The following MALRD1 variants were observed in gnomAD, a reference collection of about 807,000 sequenced individuals.
MALRD1 encodes the protein MAM and LDL receptor class A domain containing 1.
MALRD1 carries 247 observed loss-of-function variants against 242.1 expected under a neutral mutation model. The ratio of observed to expected loss-of-function variants is 1.02; its 90% CI spans 0.92 to 1.13. The LOEUF (loss-of-function observed/expected upper bound fraction) is 1.13, where lower values mean the gene tolerates loss of function less well. Ranked by LOEUF, MALRD1 falls within the 50% of genes most tolerant of loss-of-function variation. MALRD1 has a pLI of 0.00. For missense variants in MALRD1, 2,989 were observed against 2,533.1 expected (o/e 1.18, Z -3.86); for synonymous variants, 995 against 866.6 (o/e 1.15, Z -2.60).
intron 33 of MALRD1, among the ~76,000 whole-genome samples, chr10:19,576,531 A>G (rs1324395578): frequency 6.6e-6 from 1 of 152,232 alleles, no homozygotes; most frequent in Non-Finnish European, 1.5e-5. Flanking sequence ...ACATAAATTC[A>G]TACAAGTTAT....
At chr10:19,071,217 G>A (rs1590387231) in intron 2 of MALRD1, among the ~76,000 whole-genome samples, 1 of 151,884 alleles carries the variant, frequency 6.6e-6, no homozygotes, top group East Asian at 1.9e-4. Context: ...TCTAGGCTTA[G>A]CTGCTAGAAG....
chr10:19,601,621 A>G (rs909008898), intron 34 of MALRD1, among the ~76,000 whole-genome samples: 2 of 152,020 alleles, frequency 1.3e-5, no homozygotes, highest in African/African-American at 4.8e-5. Flanking sequence ...TTTTATATTG[A>G]AACCATTTAT....
chr10:19,555,139 A>G (rs1855154), intron 32 of MALRD1, among the ~76,000 whole-genome samples: 104,481 of 151,978 alleles, frequency 0.69, 39,976 homozygotes, highest in Non-Finnish European at 0.84. Context: ...TTCTTTAATG[A>G]TCAGTGATGT....
intron 29 of MALRD1, among the ~76,000 whole-genome samples, chr10:19,461,017 C>A (rs1272341377): frequency 2.0e-5 from 3 of 152,114 alleles, no homozygotes; most frequent in Non-Finnish European, 4.4e-5. Flanking sequence ...GTTATAGTAA[C>A]CTAATTCCTC....
chr10:19,444,143 T>C (rs1834826595), intron 28 of MALRD1, among the ~76,000 whole-genome samples: 2 of 152,216 alleles, frequency 1.3e-5, no homozygotes, highest in Admixed American at 1.3e-4. Flanking sequence ...CTGCTTTTTT[T>C]TATTTTCCAT....
chr10:19,303,266 A>C (rs763139142), intron 21 of MALRD1, among the ~76,000 whole-genome samples: 1 of 151,756 alleles, frequency 6.6e-6, no homozygotes, highest in Non-Finnish European at 1.5e-5. Flanking sequence ...GAAAATAGAC[A>C]TTAGGTCAAA....
At chr10:19,458,500 G>A (rs1252309467) in intron 29 of MALRD1, among the ~76,000 whole-genome samples, 3 of 152,132 alleles carry the variant, frequency 2.0e-5, no homozygotes, top group Admixed American at 6.6e-5. Flanking sequence ...CAAAAGGTAA[G>A]AATGGTGACA....
chr10:19,056,210 T>A (rs1834662246), intron 1 of MALRD1, among the ~76,000 whole-genome samples: 1 of 152,200 alleles, frequency 6.6e-6, no homozygotes, highest in Admixed American at 6.5e-5. Context: ...TTAAGTTTTT[T>A]TTTCTATTTC....
At chr10:19,231,826 C>T (rs1342020449) in intron 18 of MALRD1, among the ~76,000 whole-genome samples, 1 of 148,130 alleles carries the variant, frequency 6.8e-6, no homozygotes, top group Non-Finnish European at 1.5e-5. Context: ...ATCACCGAGT[C>T]CCGCTTTCTG....
At chr10:19,344,591 A>G (rs1417121918) in intron 24 of MALRD1, among the ~76,000 whole-genome samples, 1 of 151,686 alleles carries the variant, frequency 6.6e-6, no homozygotes, top group Non-Finnish European at 1.5e-5. Flanking sequence ...AATTCCTCCT[A>G]ATTCATTCTT....
chr10:19,600,996 C>A (rs530950494), intron 34 of MALRD1, among the ~76,000 whole-genome samples: 13 of 152,074 alleles, frequency 8.5e-5, no homozygotes, highest in African/African-American at 1.9e-4. Context: ...GCAATCCCCC[C>A]ACCTTAGTCT....
chr10:19,174,493 T>C (rs192827521), intron 13 of MALRD1, among the ~76,000 whole-genome samples: 29 of 152,288 alleles, frequency 1.9e-4, no homozygotes, highest in Admixed American at 1.2e-3. Context: ...TGGTCCACTA[T>C]GCAGGTTCAT....
chr10:19,314,837 G>A (rs528090783), intron 21 of MALRD1, among the ~76,000 whole-genome samples: 1 of 151,224 alleles, frequency 6.6e-6, no homozygotes, highest in Non-Finnish European at 1.5e-5. Context: ...GACCCCAGTT[G>A]TAGACCAGCG....
chr10:19,616,256 A>G (rs918333444), intron 36 of MALRD1, among the ~76,000 whole-genome samples: 1 of 151,996 alleles, frequency 6.6e-6, no homozygotes, highest in Non-Finnish European at 1.5e-5. Context: ...TCTATTTCAG[A>G]TAAACTTTGT....
chr10:19,175,620 A>C (rs7087763), intron 14 of MALRD1, among the ~76,000 whole-genome samples: 3 of 151,350 alleles, frequency 2.0e-5, no homozygotes, highest in Non-Finnish European at 4.4e-5. Flanking sequence ...ATTATCTTGC[A>C]TATTTTAAAT....
chr10:19,580,879 A>G (rs960754557), intron 33 of MALRD1, among the ~76,000 whole-genome samples: 1 of 152,038 alleles, frequency 6.6e-6, no homozygotes. Context: ...TATACTACAC[A>G]CACTCTGTGT....
At chr10:19,689,169 G>T (rs1313057047) in intron 36 of MALRD1, among the ~76,000 whole-genome samples, 1 of 152,170 alleles carries the variant, frequency 6.6e-6, no homozygotes, top group Non-Finnish European at 1.5e-5. Flanking sequence ...AAATCTAGGT[G>T]CAGAGGGAAG....
chr10:19,284,316 A>G lies in MALRD1; in HGVS notation c.3419+1135A>G, dbSNP rs192662331. Among the ~76,000 whole-genome samples, 318 of 151,030 alleles carry G rather than the reference A, an allele frequency of 2.1e-3. 1 individual carries two copies. Among genetic ancestry groups the G allele is most frequent in the African/African-American group, 7.3e-3 (302 of 41,122 alleles). ...TGCACATTGTGCAGGTTCGTTACAT[A>G]TGTATACATGTGCCACGCTGGTGCG... is the stretch of plus-strand genomic sequence containing the variant. On this transcript the variant is annotated intron_variant, in intron 21 of 39. Transcript: ENST00000454679.
intron 5 of MALRD1, among the ~76,000 whole-genome samples, chr10:19,105,419 T>G (rs1358831722): frequency 6.6e-6 from 1 of 152,064 alleles, no homozygotes; most frequent in Non-Finnish European, 1.5e-5. Context: ...TGTCCATTGA[T>G]GGACACTTAG....
Sources: gnomAD v4.1 joint callset for allele counts (sites outside exome capture counted in the v4.1 genomes callset) on GRCh38, gnomAD v4.1.1 for gene constraint, MANE v1.5 for transcripts, NCBI Gene and HGNC (gene_info 2026-07-23, HGNC 2026-07-21) for gene names.